The following PPP4R1 variants were observed in gnomAD, a reference collection of about 807,000 sequenced individuals.
PPP4R1 encodes serine/threonine-protein phosphatase 4 regulatory subunit 1.
A neutral mutation model predicts 111.2 loss-of-function variants in PPP4R1; 42 were observed. The observed-to-expected ratio is 0.38, with a 90% confidence interval of 0.29 to 0.49. The LOEUF (loss-of-function observed/expected upper bound fraction) is 0.49, where lower values mean the gene tolerates loss of function less well. Ranked by LOEUF, PPP4R1 falls within the 20% of genes least tolerant of loss-of-function variation. The pLI, the probability that PPP4R1 is intolerant of heterozygous loss-of-function variation, is 0.97. For synonymous variants in PPP4R1, 409 were observed against 405.5 expected (o/e 1.01, Z -0.10); for missense variants, 1,012 against 1,161.6 (o/e 0.87, Z 1.87).
intron 2 of PPP4R1, among the ~76,000 whole-genome samples, chr18:9,602,408 T>C (rs1209442752): frequency 7.9e-6 from 1 of 127,338 alleles, no homozygotes; most frequent in Non-Finnish European, 1.6e-5. Context: ...TAGCCGGGCG[T>C]GGTGGCGGGC....
intron 12 of PPP4R1, 57 bp from the exon 13 acceptor site, chr18:9,562,132 G>T: frequency 1.5e-6 from 2 of 1,313,434 alleles, no homozygotes; most frequent in Non-Finnish European, 2.2e-6. Flanking sequence ...CTTCATTTAA[G>T]CTATCTTACT....
chr18:9,584,389 A>T, intron 8 of PPP4R1, 126 bp downstream of exon 8: 2 of 783,294 alleles, frequency 2.6e-6, no homozygotes, highest in Non-Finnish European at 3.8e-6. Flanking sequence ...TAAATTCAAA[A>T]TTATCTTTCT....
At chr18:9,603,361 A>G (rs953239328) in intron 2 of PPP4R1, among the ~76,000 whole-genome samples, 1 of 152,046 alleles carries the variant, frequency 6.6e-6, no homozygotes, top group Non-Finnish European at 1.5e-5. Flanking sequence ...ATTCCCATCC[A>G]TTTCATTAAG....
At position 9,557,809 on chromosome 18, in the gene PPP4R1, A is replaced by C. The variant is rs2066612146; in HGVS notation, c.2029-427T>G. ...ATTACTCCTAAGCTCTTCCATACAT[A>C]ATTTCCTGTAGCACTAAGCACATGC... On this transcript the variant is annotated intron_variant, in intron 14 of 19. Transcript: ENST00000400556. 2.6e-5 allele frequency among the ~76,000 whole-genome samples: 4 copies of C among 151,628 alleles called. No homozygotes were observed. In the South Asian group the frequency reaches 8.3e-4, roughly 31 times the overall value.
intron 9 of PPP4R1, among the ~76,000 whole-genome samples, chr18:9,580,499 G>A (rs1038703239): frequency 3.9e-5 from 6 of 151,994 alleles, no homozygotes; most frequent in African/African-American, 7.2e-5. Flanking sequence ...ACAGGCGCCC[G>A]CCACCACACC....
intron 11 of PPP4R1, among the ~76,000 whole-genome samples, chr18:9,564,697 G>GTGT (rs2066731945): frequency 1.1e-5 from 1 of 93,492 alleles, no homozygotes; most frequent in Non-Finnish European, 2.3e-5. Context: ...TAAAGTGCAT[G>GTGT]GTGTGTGTGT....
chr18:9,616,631 G>A (rs1434581404), upstream of PPP4R1, among the ~76,000 whole-genome samples: 8 of 152,076 alleles, frequency 5.3e-5, no homozygotes, highest in African/African-American at 9.7e-5. Context: ...AATCTACAGC[G>A]TGCCAACTGT....
chr18:9,598,178 T>C (rs904411529), intron 2 of PPP4R1, among the ~76,000 whole-genome samples: 3 of 152,078 alleles, frequency 2.0e-5, no homozygotes, highest in African/African-American at 4.8e-5. Flanking sequence ...CATCAATCAA[T>C]TGTAGGAAAA....
At chr18:9,570,089 ATTT>A in intron 11 of PPP4R1, 65 bp downstream of exon 11, 2 of 1,456,198 alleles carry the variant, frequency 1.4e-6, no homozygotes, top group Non-Finnish European at 1.8e-6. Context: ...CTGAAATGAA[ATTT>A]TTTTAAGATA....
Position 9,560,109 on chromosome 18 carries a change from G to A in PPP4R1, c.1843-505C>T, listed in dbSNP as rs763813191. ...AGCCTGGGCAACATGGTGAAACCCC[G>A]TCTCTACAAAAAATTAAAAAATCAG... On this transcript the variant is annotated intron_variant, in intron 13 of 19. Transcript: ENST00000400556. 8.1e-4 allele frequency among the ~76,000 whole-genome samples: 123 copies of A among 152,000 alleles called. 3 individuals are homozygous for A. The highest frequency in any genetic ancestry group is 6.8e-3 in the Middle Eastern group (2 of 294).
At chr18:9,566,592 A>G (rs1009606961) in intron 11 of PPP4R1, among the ~76,000 whole-genome samples, 1 of 151,830 alleles carries the variant, frequency 6.6e-6, no homozygotes. Flanking sequence ...CAGAGGTTGC[A>G]GCGAGTTGAG....
chr18:9,587,866 C>T (rs573114409), intron 6 of PPP4R1, among the ~76,000 whole-genome samples: 2 of 152,192 alleles, frequency 1.3e-5, no homozygotes, highest in Non-Finnish European at 2.9e-5. Flanking sequence ...CAGGCGCACA[C>T]CACCATGCCT....
intron 9 of PPP4R1, among the ~76,000 whole-genome samples, chr18:9,579,419 A>G (rs1280573459): frequency 6.6e-6 from 1 of 152,212 alleles, no homozygotes. Context: ...GAGAAGGGAC[A>G]ATACAGTAGA....
Position 9,593,799 on chromosome 18 carries a change from C to T in PPP4R1, c.264G>A (p.Leu88=), listed in dbSNP as rs756510040. Residue 88 remains leucine, a synonymous_variant, in exon 4 of 20, where the codon TTG becomes TTA. Transcript: ENST00000400556. ...CDDERDCIAV[L]ERISRLADDS... is the part of the protein sequence containing the mutation. ...CATCGGCCAATCTGCTAATTCTTTC[C>T]AAAACAGCAATACAATCTCTTTCAT... 3 of 1,613,746 alleles carry T rather than the reference C, an allele frequency of 1.9e-6. No homozygotes were observed. Among genetic ancestry groups the T allele is most frequent in the Non-Finnish European group, 2.5e-6 (3 of 1,179,842 alleles).
At chr18:9,584,145 T>A (rs748304960) in intron 8 of PPP4R1, among the ~76,000 whole-genome samples, 16 of 152,190 alleles carry the variant, frequency 1.1e-4, no homozygotes, top group Non-Finnish European at 1.8e-4. Flanking sequence ...GACTTATACA[T>A]CAAGTATAGG....
chr18:9,584,748 G>A lies in PPP4R1; in HGVS notation c.666C>T (p.Cys222=), dbSNP rs2067088295. The part of the protein sequence containing the change: ...LILPRFCEMC[C]DCRMFHVRKV... ...TTCGAACGTGAAACATTCTGCAATCGCAGCACATCTCACAAAACCTAGGGA... is the reference window on the plus strand; with the variant it reads ...TTCGAACGTGAAACATTCTGCAATCACAGCACATCTCACAAAACCTAGGGA... The change falls in exon 7 of 20, where the codon TGC becomes TGT. Residue 222 remains cysteine (C), a synonymous_variant. Transcript: ENST00000400556. 1.2e-6 allele frequency: 2 copies of A among 1,613,602 alleles called. No individual in the cohort carries two copies. The highest frequency in any genetic ancestry group is 1.3e-5 in the African/African-American group (1 of 75,016).
chr18:9,561,892 T>A (rs1373266056), intron 13 of PPP4R1, 88 bp downstream of exon 13: 1 of 1,071,168 alleles, frequency 9.3e-7, no homozygotes, highest in Non-Finnish European at 1.4e-6. Flanking sequence ...ACACTCATCA[T>A]AAAGAAGGGG....
At chr18:9,565,609 T>C (rs1269702064) in intron 11 of PPP4R1, among the ~76,000 whole-genome samples, 1 of 152,240 alleles carries the variant, frequency 6.6e-6, no homozygotes, top group Non-Finnish European at 1.5e-5. Context: ...TTATTGCTGA[T>C]ATGCAGAAAG....
chr18:9,560,981 G>A (rs1033339148), intron 13 of PPP4R1, among the ~76,000 whole-genome samples: 2 of 152,056 alleles, frequency 1.3e-5, no homozygotes, highest in African/African-American at 4.8e-5. Context: ...ATTTTGGGAG[G>A]CTGAGGTGGG....
Sources: allele counts gnomAD v4.1 joint callset (sites outside exome capture counted in the v4.1 genomes callset), GRCh38; gene constraint gnomAD v4.1.1; transcripts MANE v1.5; gene names NCBI Gene and HGNC (gene_info 2026-07-23, HGNC 2026-07-21).